The following PTPRM variants were observed in gnomAD, a reference collection of about 807,000 sequenced individuals.
The protein encoded by PTPRM is protein tyrosine phosphatase receptor type M.
In PTPRM, 47 loss-of-function variants were observed where a neutral mutation model predicts 186.7. The ratio of observed to expected loss-of-function variants is 0.25; its 90% confidence interval spans 0.20 to 0.32. PTPRM has a LOEUF of 0.32. Ranked by LOEUF, PTPRM falls within the 10% of genes least tolerant of loss-of-function variation. PTPRM has a pLI of 1.00. For synonymous variants in PTPRM, 668 were observed against 674.9 expected, an observed-to-expected ratio of 0.99 and a Z score of 0.16; for missense variants, 1,494 against 1,865.0, an observed-to-expected ratio of 0.80 and a Z score of 3.66.
At chr18:7,838,440 G>A (rs2046163454) in intron 2 of PTPRM, among the ~76,000 whole-genome samples, 2 of 152,294 alleles carry the variant, frequency 1.3e-5, no homozygotes, top group African/African-American at 4.8e-5. Flanking sequence ...TAGTGGTCTT[G>A]GACAAGATCT....
At chr18:8,101,005 T>C (rs1214399032) in intron 11 of PTPRM, among the ~76,000 whole-genome samples, 1 of 152,208 alleles carries the variant, frequency 6.6e-6, no homozygotes, top group Non-Finnish European at 1.5e-5. Context: ...GTGTGTTTGG[T>C]ATTAATATTG....
intron 14 of PTPRM, among the ~76,000 whole-genome samples, chr18:8,226,277 CA>C (rs527260910): frequency 1.6e-4 from 24 of 151,024 alleles, no homozygotes; most frequent in Non-Finnish European, 3.4e-4. Flanking sequence ...ATATCCCCCC[CA>C]CACACATACA....
At chr18:7,906,423 AT>A in intron 3 of PTPRM, 81 bp from the exon 4 acceptor site, 1 of 1,052,964 alleles carries the variant, frequency 9.5e-7, no homozygotes, top group Non-Finnish European at 1.5e-6. Context: ...AATAAACGAA[AT>A]TATGTGTCTT....
Position 7,632,833 on chromosome 18 carries a change from G to C in PTPRM, c.73+64942G>C, listed in dbSNP as rs531014078. On this transcript the variant is annotated intron_variant, in intron 1 of 32. Coordinates refer to ENST00000580170, the MANE Select transcript of PTPRM (RefSeq NM_001105244.2). Reference sequence around the variant, plus strand: ...GCCTGATTAGTACAGCTCTGAGAAGGGATGAAAATGTCTAAAAAAATTCAG... The same window carrying C: ...GCCTGATTAGTACAGCTCTGAGAAGCGATGAAAATGTCTAAAAAAATTCAG... Among the ~76,000 whole-genome samples the C allele has an allele frequency of 6.6e-5, 10 of 152,230 alleles. No homozygotes were observed. In the South Asian group the frequency reaches 2.1e-3, roughly 32 times the overall value.
intron 1 of PTPRM, chr18:7,749,115 GCCCAGAAAAACA>G (rs2041087551): frequency 6.6e-6 from 1 of 152,018 alleles, no homozygotes; most frequent in African/African-American, 2.4e-5. Flanking sequence ...GGAGTTACTT[GCCCAGAAAAACA>G]CCCTGAATAG....
intron 19 of PTPRM, among the ~76,000 whole-genome samples, chr18:8,263,236 G>A (rs1215872818): frequency 1.3e-5 from 2 of 152,024 alleles, no homozygotes; most frequent in East Asian, 1.9e-4. Flanking sequence ...AGCCTCCCGA[G>A]TAGCTGGGAC....
In PTPRM at chr18:7,949,289, T is replaced by C. The variant is rs1568059926; in HGVS notation, c.772T>C (p.Tyr258His). ...TACCACCAAACGAGATGCTGGAAAGTACCGCTGCATGATTCGCACTGAAGG... is the reference window on the plus strand; with the variant it reads ...TACCACCAAACGAGATGCTGGAAAGCACCGCTGCATGATTCGCACTGAAGG... ...VNTTKRDAGK[Y>H]RCMIRTEGGV... The change falls in exon 6 of 33, where the codon TAC becomes CAC. Residue 258 changes from tyrosine to histidine, a missense_variant. Physicochemically the swap from Tyr to His is moderately conservative, Grantham distance 83 (BLOSUM62 2). This residue lies in a region of PTPRM where 296 missense variants were observed against 345.5 expected (regional missense o/e 0.86). Transcript: ENST00000580170. 6.2e-7 allele frequency: 1 copy of C among 1,614,150 alleles called. No individual in the cohort carries two copies. The highest frequency in any genetic ancestry group is 8.5e-7 in the Non-Finnish European group (1 of 1,179,978).
chr18:8,161,806 A>G (rs2093235023), intron 14 of PTPRM, among the ~76,000 whole-genome samples: 2 of 152,156 alleles, frequency 1.3e-5, no homozygotes, highest in East Asian at 1.9e-4. Context: ...ATGCATGCAA[A>G]TGGCACCACT....
At chr18:7,752,910 A>G (rs1208339093) in intron 1 of PTPRM, among the ~76,000 whole-genome samples, 1 of 152,130 alleles carries the variant, frequency 6.6e-6, no homozygotes, top group Admixed American at 6.5e-5. Context: ...TCTAAAATCT[A>G]TTTCTTTTTA....
intron 3 of PTPRM, 86 bp from the exon 4 acceptor site, chr18:7,906,419 C>A: frequency 9.8e-7 from 1 of 1,021,280 alleles, no homozygotes; most frequent in Admixed American, 1.9e-5. Flanking sequence ...AAAGAATAAA[C>A]GAAATTATGT....
chr18:8,341,223 AAAC>A (rs1187252079), intron 22 of PTPRM, among the ~76,000 whole-genome samples: 1 of 152,228 alleles, frequency 6.6e-6, no homozygotes, highest in Non-Finnish European at 1.5e-5. Context: ...GGAATCATAC[AAAC>A]ATCATGTCTT....
intron 2 of PTPRM, among the ~76,000 whole-genome samples, chr18:7,787,637 A>G (rs1868443585): frequency 6.6e-6 from 1 of 152,214 alleles, no homozygotes; most frequent in African/African-American, 2.4e-5. Context: ...CCCCTCACAC[A>G]TTCACACACA....
intron 14 of PTPRM, among the ~76,000 whole-genome samples, chr18:8,149,607 C>T (rs1021368359): frequency 6.6e-6 from 1 of 152,134 alleles, no homozygotes; most frequent in Non-Finnish European, 1.5e-5. Context: ...ATCCAATTTG[C>T]CAGTCTGTGT....
At chr18:8,077,311 C>A (rs2089877659) in intron 9 of PTPRM, among the ~76,000 whole-genome samples, 1 of 151,948 alleles carries the variant, frequency 6.6e-6, no homozygotes, top group Non-Finnish European at 1.5e-5. Context: ...TCATATGGAA[C>A]CTCTGCTTGA....
intron 1 of PTPRM, among the ~76,000 whole-genome samples, chr18:7,713,054 A>G (rs567769516): frequency 6.6e-6 from 1 of 152,282 alleles, no homozygotes; most frequent in Admixed American, 6.5e-5. Flanking sequence ...GAGCAACCCC[A>G]AGACACATAA....
At chr18:7,719,509 C>T (rs1225444274) in intron 1 of PTPRM, among the ~76,000 whole-genome samples, 1 of 151,920 alleles carries the variant, frequency 6.6e-6, no homozygotes, top group Admixed American at 6.6e-5. Context: ...AACTAAACAC[C>T]ACCTGTTCCC....
At chr18:8,295,780 A>G (rs1245303063) in intron 19 of PTPRM, among the ~76,000 whole-genome samples, 1 of 152,208 alleles carries the variant, frequency 6.6e-6, no homozygotes, top group African/African-American at 2.4e-5. Flanking sequence ...AAAATTGAAT[A>G]ACCTGAAGAT....
chr18:8,079,923 G>A (rs1050317914), intron 9 of PTPRM, among the ~76,000 whole-genome samples: 12 of 151,940 alleles, frequency 7.9e-5, no homozygotes, highest in Non-Finnish European at 1.3e-4. Flanking sequence ...GACCTGCTAC[G>A]TAGTAATAAG....
chr18:8,126,019 A>G (rs1474016948), intron 13 of PTPRM, among the ~76,000 whole-genome samples: 2 of 31,868 alleles, frequency 6.3e-5, no homozygotes, highest in Admixed American at 5.1e-4. Flanking sequence ...ATATATATAT[A>G]TATATATATT....
Sources: gnomAD v4.1 joint callset for allele counts (sites outside exome capture counted in the v4.1 genomes callset) on GRCh38, gnomAD v4.1.1 for gene constraint, gnomAD v4.1.1 regional missense constraint, MANE v1.5 for transcripts, NCBI Gene and HGNC (gene_info 2026-07-23, HGNC 2026-07-21) for gene names.